Variants in ETFA observed in about 807,000 individuals in gnomAD.
ETFA encodes electron transfer flavoprotein subunit alpha.
In ETFA, 22 loss-of-function variants were observed where a neutral mutation model predicts 46.2. The ratio of observed to expected loss-of-function variants is 0.48; its 90% CI spans 0.34 to 0.68. ETFA has a LOEUF of 0.68. ETFA is among the 30% of genes least tolerant of loss of function. The pLI, the probability that ETFA is intolerant of heterozygous loss-of-function variation, is 0.01. For synonymous variants in ETFA, 131 were observed against 139.9 expected (o/e 0.94, Z 0.45); for missense variants, 345 against 401.1 (o/e 0.86, Z 1.19).
intron 9 of ETFA, among the ~76,000 whole-genome samples, chr15:76,268,661 A>G (rs1174923511): frequency 1.3e-5 from 2 of 152,224 alleles, no homozygotes; most frequent in African/African-American, 4.8e-5. Context: ...AAGAAGTTAC[A>G]GAAGACAGAC....
intron 8 of ETFA, among the ~76,000 whole-genome samples, chr15:76,274,916 T>C (rs1023292989): frequency 5.3e-5 from 8 of 152,162 alleles, no homozygotes; most frequent in African/African-American, 1.9e-4. Flanking sequence ...AGACTTTCTA[T>C]TCTCATTCAA....
intron 9 of ETFA, chr15:76,261,175 G>A (rs1403667665): frequency 4.0e-5 from 62 of 1,534,336 alleles, no homozygotes; most frequent in Admixed American, 5.0e-5. Flanking sequence ...CCCGATCTTC[G>A]TAGTTCCTCT....
chr15:76,309,584 C>G (rs1299401642), intron 1 of ETFA, among the ~76,000 whole-genome samples: 1 of 152,190 alleles, frequency 6.6e-6, no homozygotes, highest in Non-Finnish European at 1.5e-5. Flanking sequence ...ACACATTAGC[C>G]AACGATGTGG....
At chr15:76,233,719 T>C (rs2039093723) in intron 9 of ETFA, among the ~76,000 whole-genome samples, 1 of 152,230 alleles carries the variant, frequency 6.6e-6, no homozygotes, top group Non-Finnish European at 1.5e-5. Flanking sequence ...CAAAATATAC[T>C]AACATTCATA....
intron 9 of ETFA, among the ~76,000 whole-genome samples, chr15:76,239,124 A>G (rs2039157604): frequency 6.6e-6 from 1 of 152,178 alleles, no homozygotes; most frequent in African/African-American, 2.4e-5. Flanking sequence ...TCATTTAACT[A>G]TGACAACAAC....
chr15:76,311,388 T>TG lies in ETFA; in HGVS notation c.-1dup. On this transcript the variant is annotated 5_prime_UTR_variant, in exon 1 of 12. Transcript: ENST00000557943. ...TGCCCCGGAGCCGCCGCTCGGAACATGGTCTCCGCTTCCGCCGCAACCTCG... is the reference window on the plus strand; with the variant it reads ...TGCCCCGGAGCCGCCGCTCGGAACATGGGTCTCCGCTTCCGCCGCAACCTCG... 1 of 1,562,620 alleles carries TG rather than the reference T, an allele frequency of 6.4e-7. No homozygotes were observed.
chr15:76,243,456 A>G (rs2039212188), intron 9 of ETFA, among the ~76,000 whole-genome samples: 1 of 152,092 alleles, frequency 6.6e-6, no homozygotes, highest in Admixed American at 6.6e-5. Flanking sequence ...AATAAGGAAA[A>G]CCAGGTATAG....
chr15:76,226,168 A>G, intron 10 of ETFA: 1 of 407,708 alleles, frequency 2.5e-6, no homozygotes, highest in Non-Finnish European at 4.3e-6. Flanking sequence ...TTATTTTTTA[A>G]AAGTTCTTCT....
chr15:76,217,723 T>C (rs2038912216), intron 11 of ETFA: 2 of 421,250 alleles, frequency 4.7e-6, no homozygotes, highest in Non-Finnish European at 9.8e-6. Context: ...GTCCAGCCAC[T>C]TGTGCAAAGT....
At chr15:76,287,979 T>C (rs1470408186) in intron 4 of ETFA, 34 bp from the exon 5 acceptor site, 4 of 1,265,968 alleles carry the variant, frequency 3.2e-6, no homozygotes, top group Non-Finnish European at 4.6e-6. Context: ...TTAACACACA[T>C]ACATAGTGAT....
chr15:76,282,378 G>T (rs1396684466), intron 8 of ETFA, among the ~76,000 whole-genome samples: 1 of 152,180 alleles, frequency 6.6e-6, no homozygotes, highest in African/African-American at 2.4e-5. Context: ...CCCAGAGGGA[G>T]TATGGCCCCT....
chr15:76,301,427 T>C (rs1370749116), intron 1 of ETFA, among the ~76,000 whole-genome samples: 2 of 152,208 alleles, frequency 1.3e-5, no homozygotes, highest in Non-Finnish European at 2.9e-5. Context: ...GAACTCTTCG[T>C]TGGCCAGTCG....
At chr15:76,235,162 T>A (rs2039110793) in intron 9 of ETFA, among the ~76,000 whole-genome samples, 1 of 152,136 alleles carries the variant, frequency 6.6e-6, no homozygotes, top group Non-Finnish European at 1.5e-5. Flanking sequence ...CTTTATAGGG[T>A]TACTGTTGAG....
intron 9 of ETFA, among the ~76,000 whole-genome samples, chr15:76,243,023 G>A (rs961367982): frequency 1.3e-5 from 2 of 152,212 alleles, no homozygotes; most frequent in Non-Finnish European, 2.9e-5. Flanking sequence ...ACAACTGGGT[G>A]TGGTGCTTCA....
chr15:76,216,549 T>C lies in ETFA; in HGVS notation c.*10A>G. On this transcript the variant is annotated 3_prime_UTR_variant, in exon 12 of 12. Transcript: ENST00000557943. Reference sequence around the variant, plus strand: ...TAACAAAAGTTTTCTTTTTAAGGCATGATCCTGATTCATTTTTTCTTCAAT... The same window carrying C: ...TAACAAAAGTTTTCTTTTTAAGGCACGATCCTGATTCATTTTTTCTTCAAT... The C allele has an allele frequency of 6.5e-7, 1 of 1,538,246 alleles. No individual in the cohort carries two copies. The highest frequency in any genetic ancestry group is 9.0e-7 in the Non-Finnish European group (1 of 1,111,008).
intron 9 of ETFA, among the ~76,000 whole-genome samples, chr15:76,235,926 T>A (rs1418157210): frequency 6.6e-6 from 1 of 152,244 alleles, no homozygotes; most frequent in African/African-American, 2.4e-5. Flanking sequence ...CAGGTTTTAA[T>A]GGTCCTGGCT....
chr15:76,249,600 C>T (rs906555021), intron 9 of ETFA, among the ~76,000 whole-genome samples: 1 of 151,912 alleles, frequency 6.6e-6, no homozygotes. Context: ...CGCCACCACG[C>T]CCAGCTAATT....
intron 9 of ETFA, among the ~76,000 whole-genome samples, chr15:76,248,896 T>G (rs982745035): frequency 4.1e-5 from 6 of 147,906 alleles, no homozygotes; most frequent in African/African-American, 1.5e-4. Context: ...AAAAAAAAAA[T>G]TCCAAGAATC....
intron 9 of ETFA, among the ~76,000 whole-genome samples, chr15:76,272,277 G>A (rs1041950572): frequency 2.0e-5 from 3 of 149,254 alleles, no homozygotes; most frequent in African/African-American, 7.5e-5. Context: ...CTGGAGTGCA[G>A]TGGCACAATC....
Sources: allele counts gnomAD v4.1 joint callset (sites outside exome capture counted in the v4.1 genomes callset), GRCh38; gene constraint gnomAD v4.1.1; transcripts MANE v1.5; gene names NCBI Gene and HGNC (gene_info 2026-07-23, HGNC 2026-07-21).